The following CHST11 variants were observed in gnomAD, a reference collection of about 807,000 sequenced individuals.
CHST11 encodes carbohydrate sulfotransferase 11, also known as C4S-1.
Under a neutral mutation model 30.4 loss-of-function variants are expected in CHST11, and 9 were observed. The ratio of observed to expected loss-of-function variants is 0.30; its 90% CI spans 0.18 to 0.52. The LOEUF (loss-of-function observed/expected upper bound fraction) is 0.52, where lower values mean the gene tolerates loss of function less well. CHST11 is among the 20% of genes least tolerant of loss of function. The pLI, the probability that CHST11 is intolerant of heterozygous loss-of-function variation, is 0.97. For missense variants in CHST11, 348 were observed against 460.6 expected, an observed-to-expected ratio of 0.76 and a Z score of 2.24; for synonymous variants, 152 against 187.8, an observed-to-expected ratio of 0.81 and a Z score of 1.56.
intron 1 of CHST11, among the ~76,000 whole-genome samples, chr12:104,522,160 G>C (rs1376263625): frequency 6.6e-6 from 1 of 152,110 alleles, no homozygotes; most frequent in Non-Finnish European, 1.5e-5. Context: ...ATTTGCTTTG[G>C]CTCTTTTTCT....
intron 2 of CHST11, among the ~76,000 whole-genome samples, chr12:104,710,203 C>CAA (rs34581324): frequency 3.3e-4 from 50 of 151,924 alleles, no homozygotes; most frequent in African/African-American, 5.3e-4. Context: ...CTGTCTCAAA[C>CAA]AAAAAAAGAA....
chr12:104,655,934 AAGTCTCT>A (rs1251686568), intron 2 of CHST11, among the ~76,000 whole-genome samples: 1 of 152,208 alleles, frequency 6.6e-6, no homozygotes, highest in Non-Finnish European at 1.5e-5. Context: ...GGCAGAGCTG[AAGTCTCT>A]ATGATTTTCT....
intron 1 of CHST11, among the ~76,000 whole-genome samples, chr12:104,528,553 A>T (rs2135993102): frequency 6.6e-6 from 1 of 152,278 alleles, no homozygotes; most frequent in South Asian, 2.1e-4. Flanking sequence ...CAGCTTGGGG[A>T]CTGGGTGGCC....
At chr12:104,521,125 A>G (rs957332965) in intron 1 of CHST11, among the ~76,000 whole-genome samples, 3 of 152,236 alleles carry the variant, frequency 2.0e-5, no homozygotes, top group African/African-American at 4.8e-5. Context: ...ATATTTGTAG[A>G]TGAATGACTT....
chr12:104,588,413 G>A (rs1283693371), intron 1 of CHST11, among the ~76,000 whole-genome samples: 1 of 152,108 alleles, frequency 6.6e-6, no homozygotes, highest in African/African-American at 2.4e-5. Context: ...GCCACTTTTC[G>A]GGTTACAGCC....
intron 1 of CHST11, among the ~76,000 whole-genome samples, chr12:104,500,089 C>T (rs2037838675): frequency 6.6e-6 from 1 of 152,028 alleles, no homozygotes; most frequent in Non-Finnish European, 1.5e-5. Flanking sequence ...TTGTTTTTTC[C>T]CTTTTGATTT....
At chr12:104,476,554 C>T (rs769174600) in intron 1 of CHST11, among the ~76,000 whole-genome samples, 17 of 151,894 alleles carry the variant, frequency 1.1e-4, no homozygotes, top group Non-Finnish European at 1.5e-4. Context: ...AAAGATTTTC[C>T]CTTTTAAAAA....
chr12:104,695,039 A>G (rs2039931326), intron 2 of CHST11, among the ~76,000 whole-genome samples: 1 of 152,176 alleles, frequency 6.6e-6, no homozygotes, highest in African/African-American at 2.4e-5. Flanking sequence ...AAATGGAGCC[A>G]CAGGGGATGC....
intron 1 of CHST11, among the ~76,000 whole-genome samples, chr12:104,544,211 C>A (rs567544027): frequency 2.7e-5 from 4 of 149,424 alleles, no homozygotes; most frequent in Non-Finnish European, 5.9e-5. Flanking sequence ...AACGCTCATA[C>A]ATAGAATTTT....
At chr12:104,602,272 A>G (rs1007667416) in intron 2 of CHST11, 6 of 480,588 alleles carry the variant, frequency 1.2e-5, no homozygotes, top group East Asian at 3.4e-5. Flanking sequence ...AGTTCGAGCA[A>G]TGGGACTCGG....
At chr12:104,540,099 G>A (rs962396969) in intron 1 of CHST11, among the ~76,000 whole-genome samples, 9 of 152,188 alleles carry the variant, frequency 5.9e-5, no homozygotes, top group Non-Finnish European at 1.3e-4. Flanking sequence ...GTGACTCAGT[G>A]TAGCACTGGT....
intron 2 of CHST11, among the ~76,000 whole-genome samples, chr12:104,756,361 C>T (rs2040474447): frequency 6.6e-6 from 1 of 152,136 alleles, no homozygotes. Context: ...GAAACTTTTG[C>T]TCTTAGAATT....
chr12:104,674,733 C>G (rs2039724890), intron 2 of CHST11, among the ~76,000 whole-genome samples: 1 of 151,950 alleles, frequency 6.6e-6, no homozygotes, highest in African/African-American at 2.4e-5. Flanking sequence ...TCAGCCCCTG[C>G]CTTGAGACAA....
chr12:104,621,933 GC>G (rs2039163442), intron 2 of CHST11, among the ~76,000 whole-genome samples: 2 of 152,240 alleles, frequency 1.3e-5, no homozygotes, highest in South Asian at 4.1e-4. Flanking sequence ...TCCGGCAGCA[GC>G]GTGGTGAGTC....
At chr12:104,707,145 G>A (rs2040043368) in intron 2 of CHST11, among the ~76,000 whole-genome samples, 1 of 152,218 alleles carries the variant, frequency 6.6e-6, no homozygotes, top group African/African-American at 2.4e-5. Context: ...AGTGTTTTAG[G>A]TTGGTGGTTC....
intron 1 of CHST11, among the ~76,000 whole-genome samples, chr12:104,576,567 A>C (rs1219687243): frequency 9.9e-5 from 15 of 152,126 alleles, no homozygotes; most frequent in Non-Finnish European, 2.2e-4. Flanking sequence ...CTCTTCAGAG[A>C]AGTTCTTCAG....
At chr12:104,659,855 C>T (rs1005582839) in intron 2 of CHST11, among the ~76,000 whole-genome samples, 2 of 150,616 alleles carry the variant, frequency 1.3e-5, no homozygotes, top group Non-Finnish European at 3.0e-5. Context: ...GGTGGCGTGC[C>T]CCTGTAGTCC....
At chr12:104,622,998 A>C (rs1178845765) in intron 2 of CHST11, among the ~76,000 whole-genome samples, 1 of 152,222 alleles carries the variant, frequency 6.6e-6, no homozygotes, top group African/African-American at 2.4e-5. Context: ...TTGGTGCATT[A>C]ATCTCTAGAC....
chr12:104,732,979 A>G (rs116107248), intron 2 of CHST11, among the ~76,000 whole-genome samples: 2,705 of 152,382 alleles, frequency 0.018, 39 homozygotes, highest in Middle Eastern at 0.048. Flanking sequence ...CTTGACATGC[A>G]TCGTCTCACT....
Sources: allele counts gnomAD v4.1 joint callset (sites outside exome capture counted in the v4.1 genomes callset), GRCh38; gene constraint gnomAD v4.1.1; transcripts MANE v1.5; gene names NCBI Gene and HGNC (gene_info 2026-07-23, HGNC 2026-07-21).